The following TMEM181 variants were observed in gnomAD, a reference collection of about 807,000 sequenced individuals.
TMEM181 encodes G protein-coupled receptor 178.
TMEM181 carries 39 observed loss-of-function variants against 71.9 expected under a neutral mutation model. The ratio of observed to expected loss-of-function variants is 0.54; its 90% CI spans 0.42 to 0.71. The LOEUF (loss-of-function observed/expected upper bound fraction) is 0.71, where lower values mean the gene tolerates loss of function less well. Ranked by LOEUF, TMEM181 falls within the 30% of genes least tolerant of loss-of-function variation. The pLI is 0.00. For missense variants in TMEM181, 595 were observed against 583.0 expected, an observed-to-expected ratio of 1.02 and a Z score of -0.21; for synonymous variants, 245 against 228.8, an observed-to-expected ratio of 1.07 and a Z score of -0.64.
At chr6:158,625,563 G>A (rs1786227080) in intron 12 of TMEM181, 140 bp from the exon 13 acceptor site, 1 of 739,400 alleles carries the variant, frequency 1.4e-6, no homozygotes. Context: ...GTTCTCCTAG[G>A]CTGCTGGCGA....
intron 1 of TMEM181, among the ~76,000 whole-genome samples, chr6:158,552,740 G>A (rs764177555): frequency 3.9e-5 from 6 of 152,216 alleles, no homozygotes; most frequent in Non-Finnish European, 8.8e-5. Context: ...CATGGGCTGT[G>A]AGATGGAAAC....
rs1263577371 is a variant in TMEM181, at chr6:158,632,193, A to C, written c.*305A>C. ...AAATTTCACGTTTTTAGTACAGTGA[A>C]TTATGTACTTTTTTTTCCTGTAATC... On this transcript the variant is annotated 3_prime_UTR_variant, in exon 17 of 17. Coordinates refer to ENST00000684151, the MANE Select transcript of TMEM181 (RefSeq NM_001376852.1). 1 of 348,394 alleles carries C rather than the reference A, an allele frequency of 2.9e-6. No individual in the cohort carries two copies. Among genetic ancestry groups the C allele is most frequent in the Admixed American group, 4.3e-5 (1 of 23,278 alleles). The allele number at this position is 348,394 out of a possible 1,614,324, so 21.6% of individuals were successfully genotyped here. A position where few individuals can be genotyped will look rare whatever the true frequency, so the allele number is the denominator to read the frequency against.
intron 10 of TMEM181, among the ~76,000 whole-genome samples, chr6:158,621,921 A>G (rs1344857384): frequency 2.0e-5 from 3 of 152,182 alleles, no homozygotes; most frequent in African/African-American, 2.4e-5. Flanking sequence ...AGGTCCACAC[A>G]TGGCTGCTGG....
chr6:158,563,964 G>T (rs1027732914), intron 1 of TMEM181, among the ~76,000 whole-genome samples: 1 of 152,136 alleles, frequency 6.6e-6, no homozygotes, highest in African/African-American at 2.4e-5. Context: ...TTTTAGTAGG[G>T]ACACGGTTTT....
At chr6:158,543,219 GA>G (rs917355862) in intron 1 of TMEM181, among the ~76,000 whole-genome samples, 2 of 152,010 alleles carry the variant, frequency 1.3e-5, no homozygotes, top group Non-Finnish European at 2.9e-5. Flanking sequence ...GAATTGAGAG[GA>G]AAAAATAAAG....
At chr6:158,587,447 A>G (rs1400277534) in intron 5 of TMEM181, among the ~76,000 whole-genome samples, 16 of 152,086 alleles carry the variant, frequency 1.1e-4, no homozygotes, top group Admixed American at 1.3e-4. Context: ...CCCTGGCTTT[A>G]AAAAACATGG....
chr6:158,613,303 A>T (rs182261988), intron 10 of TMEM181, among the ~76,000 whole-genome samples: 1 of 152,278 alleles, frequency 6.6e-6, no homozygotes, highest in African/African-American at 2.4e-5. Context: ...TCATAATAGG[A>T]CTGGTTTGCT....
intron 5 of TMEM181, among the ~76,000 whole-genome samples, chr6:158,587,065 A>G (rs1783814842): frequency 6.6e-6 from 1 of 152,176 alleles, no homozygotes; most frequent in Non-Finnish European, 1.5e-5. Flanking sequence ...CACCTCTCAG[A>G]TTGAGGCTCA....
At chr6:158,594,868 A>G (rs1784307722) in intron 6 of TMEM181, among the ~76,000 whole-genome samples, 2 of 152,100 alleles carry the variant, frequency 1.3e-5, no homozygotes, top group Admixed American at 1.3e-4. Flanking sequence ...TTGTATTTTT[A>G]GTAGAGACGA....
chr6:158,625,002 G>T, intron 11 of TMEM181, 102 bp from the exon 12 acceptor site: 6 of 890,180 alleles, frequency 6.7e-6, no homozygotes, highest in Non-Finnish European at 1.1e-5. Flanking sequence ...CAGGGTTGAA[G>T]TCCCTTCTAA....
chr6:158,607,160 C>T lies in TMEM181; in HGVS notation c.574-84C>T, dbSNP rs1784999400. The T allele has an allele frequency of 2.7e-6, 3 of 1,111,756 alleles. No homozygotes were observed. The East Asian group carries it at 7.1e-5, about 26-fold the overall frequency. 68.9% of individuals were successfully genotyped at this position (1,111,756 alleles called of 1,614,324 possible). ...CTAGACCATTGATTAGAGAAGACAA[C>T]CTGGTATGCCGGCAAGGTGTGAGCA... On this transcript the variant is annotated intron_variant, in intron 7 of 16. Transcript: ENST00000684151.
At chr6:158,559,555 G>A (rs1335242971), upstream of TMEM181, among the ~76,000 whole-genome samples, 2 of 152,190 alleles carry the variant, frequency 1.3e-5, no homozygotes, top group African/African-American at 2.4e-5. Flanking sequence ...TGCGAAATCA[G>A]GAAAGTGCTT....
In TMEM181 at chr6:158,635,161, CAGA is replaced by C. The variant is rs1337362551; in HGVS notation, c.*3278_*3280del. ...GTAACTGTGATACCATACTATAAAA[CAGA>C]AGAATTTTCTGCTACTAAAAACTGC... is the stretch of plus-strand genomic sequence containing the variant. On this transcript the variant is annotated 3_prime_UTR_variant, in exon 17 of 17. Transcript: ENST00000684151. 6.6e-6 allele frequency: 1 copy of C among 152,100 alleles called. No individual in the cohort carries two copies. The highest frequency in any genetic ancestry group is 1.5e-5 in the Non-Finnish European group (1 of 68,026). 9.4% of individuals were successfully genotyped at this position (152,100 alleles called of 1,614,324 possible).
intron 7 of TMEM181, 114 bp downstream of exon 7, chr6:158,605,461 C>G: frequency 1.1e-6 from 1 of 950,232 alleles, no homozygotes; most frequent in Non-Finnish European, 1.7e-6. Context: ...CTCAGATGCT[C>G]CATCCAGTGG....
chr6:158,544,065 A>G lies in TMEM181; in HGVS notation c.131+7200A>G, dbSNP rs1052471013. On this transcript the variant is annotated intron_variant, in intron 1 of 16. Coordinates refer to the TMEM181 transcript ENST00000367090. ...CTCCTGGCTCTAAAACGGAGATAGC[A>G]GACTGATAGTGCAGCTGTGTCTGGA... Among the ~76,000 whole-genome samples the G allele has an allele frequency of 5.9e-5, 9 of 152,264 alleles. No homozygotes were observed. In the South Asian group the frequency reaches 1.7e-3, roughly 28 times the overall value.
chr6:158,558,752 CAGA>C (rs1323559288), upstream of TMEM181, among the ~76,000 whole-genome samples: 5 of 152,142 alleles, frequency 3.3e-5, no homozygotes, highest in African/African-American at 7.2e-5. Context: ...AAACATTTAA[CAGA>C]AGGTGTTGCA....
intron 13 of TMEM181, chr6:158,626,815 C>G: frequency 9.9e-6 from 4 of 404,336 alleles, no homozygotes; most frequent in Non-Finnish European, 1.5e-5. Flanking sequence ...AACTGACCCA[C>G]CCTCACACAC....
intron 6 of TMEM181, among the ~76,000 whole-genome samples, chr6:158,592,918 T>A (rs1181418931): frequency 6.6e-6 from 1 of 151,758 alleles, no homozygotes; most frequent in Non-Finnish European, 1.5e-5. Flanking sequence ...AGACCCTGTC[T>A]AAAAAAAATG....
intron 6 of TMEM181, among the ~76,000 whole-genome samples, chr6:158,602,851 G>C (rs1181124470): frequency 1.3e-5 from 2 of 152,074 alleles, no homozygotes; most frequent in African/African-American, 4.8e-5. Flanking sequence ...CAAAGTGTTG[G>C]GATTACAGGT....
Sources: allele counts gnomAD v4.1 joint callset (sites outside exome capture counted in the v4.1 genomes callset), GRCh38; gene constraint gnomAD v4.1.1; transcripts MANE v1.5; gene names NCBI Gene and HGNC (gene_info 2026-07-23, HGNC 2026-07-21).